CASP6: variants seen among roughly 807,000 people sequenced by gnomAD.
The protein encoded by CASP6 is caspase 6.
A neutral mutation model predicts 31.8 loss-of-function variants in CASP6; 20 were observed. That is an observed-to-expected ratio of 0.63 (90% CI 0.44 to 0.91). CASP6 has a LOEUF of 0.91. Ranked by LOEUF, CASP6 falls within the 40% of genes least tolerant of loss-of-function variation. CASP6 has a pLI of 0.00. For synonymous variants in CASP6, 130 were observed against 127.8 expected, an observed-to-expected ratio of 1.02 and a Z score of -0.12; for missense variants, 328 against 361.1, an observed-to-expected ratio of 0.91 and a Z score of 0.74.
chr4:109,682,692 T>A, the CASP6 span: 1 of 1,613,784 alleles, frequency 6.2e-7, no homozygotes. Context: ...AGAGCACCAT[T>A]TACTGGAGAA....
chr4:109,706,428 T>C (rs907937828), upstream of CASP6, among the ~76,000 whole-genome samples: 19 of 151,918 alleles, frequency 1.3e-4, no homozygotes, highest in African/African-American at 4.6e-4. Context: ...TTTTTACGGA[T>C]GAGCAAAGAA....
the CASP6 span, among the ~76,000 whole-genome samples, chr4:109,671,286 A>G: frequency 6.6e-5 from 10 of 152,206 alleles, no homozygotes; most frequent in Non-Finnish European, 1.2e-4. Context: ...GACAGTTCTC[A>G]GCCATTATTA....
At chr4:109,679,752 A>G in the CASP6 span, among the ~76,000 whole-genome samples, 1 of 152,170 alleles carries the variant, frequency 6.6e-6, no homozygotes, top group Non-Finnish European at 1.5e-5. Context: ...GAAAGCTTGC[A>G]ATTATGAACT....
intron 1 of CASP6, among the ~76,000 whole-genome samples, chr4:109,699,159 A>G (rs916820134): frequency 2.1e-4 from 32 of 152,220 alleles, no homozygotes; most frequent in African/African-American, 7.0e-4. Flanking sequence ...GGCATCTTCT[A>G]CAATAAAGGC....
At chr4:109,685,332 C>T (rs939641690), downstream of CASP6, 4 of 1,577,164 alleles carry the variant, frequency 2.5e-6, no homozygotes, top group Admixed American at 1.7e-5. Context: ...CTTTGATGTG[C>T]AGCAATACAA....
At chr4:109,664,473 G>GCC in the CASP6 span, 1 of 630,474 alleles carries the variant, frequency 1.6e-6, no homozygotes, top group Non-Finnish European at 2.8e-6. Context: ...TTCCCAGGCT[G>GCC]GAGTACAGTG....
At chr4:109,681,161 AG>A in the CASP6 span, among the ~76,000 whole-genome samples, 2 of 152,212 alleles carry the variant, frequency 1.3e-5, no homozygotes, top group African/African-American at 4.8e-5. Context: ...GACACATGGG[AG>A]GTATCCAAGG....
intron 5 of CASP6, 71 bp from the exon 6 acceptor site, chr4:109,691,080 A>G (rs1306376429): frequency 3.3e-6 from 5 of 1,494,224 alleles, no homozygotes; most frequent in Non-Finnish European, 4.5e-6. Flanking sequence ...GTGTGCAGTG[A>G]ATGTGTAAGC....
At chr4:109,668,697 T>C in the CASP6 span, among the ~76,000 whole-genome samples, 1 of 151,664 alleles carries the variant, frequency 6.6e-6, no homozygotes, top group Non-Finnish European at 1.5e-5. Flanking sequence ...TTGTTGCCAC[T>C]GTTTTTTTTT....
At chr4:109,682,545 G>A in the CASP6 span, 16 of 1,557,928 alleles carry the variant, frequency 1.0e-5, no homozygotes, top group Non-Finnish European at 1.4e-5. Context: ...CGGGAACAAT[G>A]TGGTGACTGG....
At chr4:109,707,764 G>A (rs1340088412), upstream of CASP6, among the ~76,000 whole-genome samples, 1 of 152,138 alleles carries the variant, frequency 6.6e-6, no homozygotes, top group Non-Finnish European at 1.5e-5. Flanking sequence ...AGAATGATGA[G>A]GGTCTCTAGA....
chr4:109,688,618 T>TAA (rs772725255), downstream of CASP6: 8 of 152,228 alleles, frequency 5.3e-5, no homozygotes, highest in Non-Finnish European at 1.0e-4. Context: ...TAGAAAAATG[T>TAA]AATAAAATAT....
Position 109,697,751 on chromosome 4 carries a change from G to C in CASP6, c.101C>G (p.Ala34Gly). Residue 34 changes from alanine to glycine, a missense_variant, in exon 3 of 7, where the codon GCA becomes GGA. Coordinates refer to ENST00000265164, the MANE Select transcript of CASP6 (RefSeq NM_001226.4). Reference sequence around the variant, plus strand: ...CCTGTGGTCCATTTTGTACTTTTCTGCCGGATCAAACATTTCTCTGTTAAT... The same window carrying C: ...CCTGTGGTCCATTTTGTACTTTTCTCCCGGATCAAACATTTCTCTGTTAAT... ...AFYKREMFDPAEKYKMDHRRR... is the reference protein window; with the variant it reads ...AFYKREMFDPGEKYKMDHRRR... The C allele has an allele frequency of 6.2e-7, 1 of 1,613,158 alleles. No homozygotes were observed. Among genetic ancestry groups the C allele is most frequent in the Non-Finnish European group, 8.5e-7 (1 of 1,179,714 alleles).
rs111848498 is a variant in CASP6 at position 109,699,407 on chromosome 4, CA to C, written c.41-1066del. 4.7e-3 allele frequency among the ~76,000 whole-genome samples: 715 copies of C among 151,790 alleles called. 4 individuals carry two copies. The highest frequency in any genetic ancestry group is 0.016 in the African/African-American group (676 of 41,364). On this transcript the variant is annotated intron_variant, in intron 1 of 6. Transcript: ENST00000265164. Reference sequence around the variant, plus strand: ...TGATTGATCTAACCTCACTTCTCCTCAAAAAAAATACAAGGTGGGGAATTCA... The same window carrying C: ...TGATTGATCTAACCTCACTTCTCCTCAAAAAAATACAAGGTGGGGAATTCA...
the CASP6 span, among the ~76,000 whole-genome samples, chr4:109,674,451 C>T: frequency 6.6e-6 from 1 of 152,144 alleles, no homozygotes; most frequent in Non-Finnish European, 1.5e-5. Context: ...GAAGGTACTC[C>T]CAGTTTGCTG....
chr4:109,687,461 G>A (rs1030551012), downstream of CASP6: 3 of 1,215,560 alleles, frequency 2.5e-6, no homozygotes, highest in Non-Finnish European at 3.6e-6. Context: ...AAGCAGTAAT[G>A]TTGGTATGTT....
chr4:109,709,449 C>A, the CASP6 span, among the ~76,000 whole-genome samples: 1 of 152,170 alleles, frequency 6.6e-6, no homozygotes, highest in African/African-American at 2.4e-5. Context: ...TGACTTGATT[C>A]TTCCTATATC....
the CASP6 span, among the ~76,000 whole-genome samples, chr4:109,673,542 CAG>C: frequency 9.9e-5 from 15 of 152,122 alleles, no homozygotes; most frequent in African/African-American, 3.6e-4. Flanking sequence ...GTAAAGTAAA[CAG>C]GGACACAGCA....
At chr4:109,694,480 G>A (rs1730174192) in intron 5 of CASP6, 45 bp downstream of exon 5, 1 of 1,468,818 alleles carries the variant, frequency 6.8e-7, no homozygotes, top group African/African-American at 1.4e-5. Context: ...CACATGTTCA[G>A]AATGACAGAC....
Sources: allele counts gnomAD v4.1 joint callset (sites outside exome capture counted in the v4.1 genomes callset), GRCh38; gene constraint gnomAD v4.1.1; transcripts MANE v1.5; gene names NCBI Gene and HGNC (gene_info 2026-07-23, HGNC 2026-07-21).